COL4A2: variants seen among roughly 807,000 people sequenced by gnomAD.
The protein encoded by COL4A2 is collagen alpha-2(IV) chain.
COL4A2 carries 99 observed loss-of-function variants against 200.2 expected under a neutral mutation model. That is an observed-to-expected ratio of 0.49 (90% CI 0.42 to 0.58). COL4A2 has a LOEUF of 0.58. Ranked by LOEUF, COL4A2 falls within the 20% of genes least tolerant of loss-of-function variation. COL4A2 has a pLI of 0.00. For synonymous variants in COL4A2, 897 were observed against 900.6 expected, an observed-to-expected ratio of 1.00 and a Z score of 0.07; for missense variants, 1,950 against 2,314.1, an observed-to-expected ratio of 0.84 and a Z score of 3.23.
intron 40 of COL4A2, among the ~76,000 whole-genome samples, chr13:110,496,108 C>T (rs1044883123): frequency 6.6e-6 from 1 of 152,138 alleles, no homozygotes; most frequent in African/African-American, 2.4e-5. Context: ...GGCTCAGGTA[C>T]GGGAGCTGGG....
chr13:110,438,876 C>T (rs929053844), intron 15 of COL4A2, among the ~76,000 whole-genome samples: 1 of 148,968 alleles, frequency 6.7e-6, no homozygotes, highest in Non-Finnish European at 1.5e-5. Context: ...GGCTACAATC[C>T]GTGAACCATC....
At chr13:110,322,667 C>G (rs1885306670) in intron 3 of COL4A2, among the ~76,000 whole-genome samples, 1 of 152,200 alleles carries the variant, frequency 6.6e-6, no homozygotes, top group African/African-American at 2.4e-5. Flanking sequence ...GTACTGGGGT[C>G]AGAAGATGGA....
intron 4 of COL4A2, among the ~76,000 whole-genome samples, chr13:110,389,645 CTG>C (rs1878911110): frequency 6.6e-6 from 1 of 152,230 alleles, no homozygotes; most frequent in African/African-American, 2.4e-5. Flanking sequence ...CTGTGCTCCT[CTG>C]TGCACTCTCA....
intron 47 of COL4A2, among the ~76,000 whole-genome samples, chr13:110,510,616 CTGTGTG>C (rs35675138): frequency 8.6e-5 from 13 of 151,564 alleles, no homozygotes; most frequent in Admixed American, 2.6e-4. Flanking sequence ...CAAGCATGCA[CTGTGTG>C]TGTGTGTGTG....
intron 15 of COL4A2, among the ~76,000 whole-genome samples, chr13:110,439,423 C>T (rs1034111155): frequency 2.6e-5 from 4 of 152,048 alleles, no homozygotes; most frequent in Non-Finnish European, 4.4e-5. Context: ...AAATGATGCA[C>T]GTTATGAAAG....
chr13:110,505,373 A>G (rs1883824911), intron 45 of COL4A2, among the ~76,000 whole-genome samples: 1 of 152,036 alleles, frequency 6.6e-6, no homozygotes, highest in Non-Finnish European at 1.5e-5. Context: ...AAAATTAAAC[A>G]TGGGTAGTAC....
intron 33 of COL4A2, among the ~76,000 whole-genome samples, chr13:110,485,375 T>A (rs1333956665): frequency 6.6e-6 from 1 of 151,868 alleles, no homozygotes; most frequent in Non-Finnish European, 1.5e-5. Context: ...TACAAAAAAA[T>A]TAGCCGGCAT....
At chr13:110,344,543 T>C (rs1208592393) in intron 3 of COL4A2, among the ~76,000 whole-genome samples, 2 of 152,206 alleles carry the variant, frequency 1.3e-5, no homozygotes, top group South Asian at 2.1e-4. Context: ...GTGACATTTT[T>C]CCCAGCATGG....
rs74124620 is a variant in COL4A2, at chr13:110,488,567, C to T, written c.3208-878C>T. Among the ~76,000 whole-genome samples the T allele has an allele frequency of 4.6e-3, 699 of 152,264 alleles. 4 individuals carry two copies. Among genetic ancestry groups the T allele is most frequent in the African/African-American group, 0.016 (664 of 41,550 alleles). On this transcript the variant is annotated intron_variant, in intron 34 of 47. Coordinates refer to ENST00000360467, the MANE Select transcript of COL4A2 (RefSeq NM_001846.4). ...GTCTCCCTCTGTGCACAGATGGAGG[C>T]GCACAGCCCCATATCTGTGTTATAA...
chr13:110,449,585 A>G, intron 18 of COL4A2, 94 bp from the exon 19 acceptor site: 1 of 1,234,926 alleles, frequency 8.1e-7, no homozygotes, highest in Non-Finnish European at 1.1e-6. Flanking sequence ...CATATGGAGC[A>G]TTTGGTAAAT....
intron 47 of COL4A2, among the ~76,000 whole-genome samples, chr13:110,509,270 T>TATATATATATATATACACACAC (rs1435137108): frequency 3.6e-4 from 42 of 115,564 alleles, no homozygotes; most frequent in African/African-American, 1.4e-3. Flanking sequence ...TATATATATA[T>TATATATATATATATACACACAC]ACACACACAC....
In COL4A2 at chr13:110,363,271, G is replaced by T. The variant is rs1039283991; in HGVS notation, c.180+5719G>T. On this transcript the variant is annotated intron_variant, in intron 4 of 47. Transcript: ENST00000360467. ...GGAGACTATGCTTCTGGAAGGTTGC[G>T]ATTGACAAGCTCGCTCAAGTAAGCA... Among the ~76,000 whole-genome samples, 6 of 152,190 alleles carry T rather than the reference G, an allele frequency of 3.9e-5. No homozygotes were observed. In the South Asian group the frequency reaches 1.2e-3, roughly 32 times the overall value.
At chr13:110,469,086 A>T in intron 27 of COL4A2, 131 bp from the exon 28 acceptor site, 1 of 995,360 alleles carries the variant, frequency 1.0e-6, no homozygotes, top group Non-Finnish European at 1.5e-6. Flanking sequence ...GTGCTGTTTC[A>T]GGCTGATATT....
intron 10 of COL4A2, among the ~76,000 whole-genome samples, chr13:110,431,550 G>A (rs571119456): frequency 6.6e-6 from 1 of 152,146 alleles, no homozygotes; most frequent in Non-Finnish European, 1.5e-5. Context: ...CTGAAATCAG[G>A]GTCATACGAG....
intron 24 of COL4A2, among the ~76,000 whole-genome samples, chr13:110,464,991 A>G (rs1487991108): frequency 2.0e-5 from 3 of 152,138 alleles, no homozygotes; most frequent in Non-Finnish European, 4.4e-5. Flanking sequence ...CTTTCCTTTA[A>G]CAACGTAGCA....
intron 4 of COL4A2, among the ~76,000 whole-genome samples, chr13:110,405,077 T>G (rs1879513241): frequency 6.6e-6 from 1 of 152,204 alleles, no homozygotes. Context: ...ATCATGCCAC[T>G]GCGTTCCAGC....
At chr13:110,322,043 C>T (rs1885290248) in intron 3 of COL4A2, among the ~76,000 whole-genome samples, 1 of 152,162 alleles carries the variant, frequency 6.6e-6, no homozygotes, top group South Asian at 2.1e-4. Context: ...CTTTTTAAGC[C>T]CCAGTAACAG....
intron 47 of COL4A2, among the ~76,000 whole-genome samples, chr13:110,510,844 A>T (rs1269115006): frequency 6.6e-6 from 1 of 152,232 alleles, no homozygotes; most frequent in East Asian, 1.9e-4. Flanking sequence ...CCTTCAGACC[A>T]AAGTGAAGCC....
At chr13:110,491,988 G>A (rs368960933) in intron 37 of COL4A2, 82 bp from the exon 38 acceptor site, 109 of 1,232,434 alleles carry the variant, frequency 8.8e-5, no homozygotes, top group East Asian at 4.4e-4. Context: ...CTCCCAGAGC[G>A]GCTGCCCCTC....
Sources: gnomAD v4.1 joint callset for allele counts (sites outside exome capture counted in the v4.1 genomes callset) on GRCh38, gnomAD v4.1.1 for gene constraint, MANE v1.5 for transcripts, NCBI Gene and HGNC (gene_info 2026-07-23, HGNC 2026-07-21) for gene names.